SLC1A3: variants seen among roughly 807,000 people sequenced by gnomAD.
SLC1A3 encodes the protein solute carrier family 1 member 3.
SLC1A3 carries 21 observed loss-of-function variants against 48.1 expected under a neutral mutation model. That is an observed-to-expected ratio of 0.44 (90% CI 0.31 to 0.63). The LOEUF (loss-of-function observed/expected upper bound fraction) is 0.63. Among genes scored for constraint, SLC1A3 ranks in the 20% least tolerant of loss-of-function variants. The probability of loss-of-function intolerance (pLI) is 0.08; values close to 1 mark genes in which losing one functional copy is unlikely to be tolerated. For missense variants in SLC1A3, 546 were observed against 689.0 expected (o/e 0.79, Z 2.32); for synonymous variants, 239 against 251.4 (o/e 0.95, Z 0.47).
chr5:36,676,886 T>C lies in SLC1A3; in HGVS notation c.568-6T>C. On this transcript the variant is annotated splice_polypyrimidine_tract_variant and splice_region_variant and intron_variant, in intron 5 of 9. Transcript: ENST00000265113. ...TTTAATCCTCGTTGTGCTTTTTATT[T>C]TTAAGTTTAAAACCAACTATGAGAA... The C allele has an allele frequency of 1.2e-6, 2 of 1,609,534 alleles. No individual in the cohort carries two copies. Among genetic ancestry groups the C allele is most frequent in the Non-Finnish European group, 1.7e-6 (2 of 1,177,376 alleles).
At chr5:36,682,777 G>A (rs1161725822) in intron 8 of SLC1A3, among the ~76,000 whole-genome samples, 1 of 152,314 alleles carries the variant, frequency 6.6e-6, no homozygotes, top group African/African-American at 2.4e-5. Context: ...CTCCATGCAT[G>A]TCTGACTGGC....
intron 3 of SLC1A3, chr5:36,667,847 T>C (rs1281068217): frequency 6.6e-6 from 1 of 152,230 alleles, no homozygotes; most frequent in Non-Finnish European, 1.5e-5. Context: ...GTTTTCATAA[T>C]AAAGATGTCA....
chr5:36,677,463 G>T (rs1453306946), intron 6 of SLC1A3, among the ~76,000 whole-genome samples: 2 of 152,128 alleles, frequency 1.3e-5, no homozygotes, highest in African/African-American at 4.8e-5. Context: ...TTTTTATCTA[G>T]TTTTTCATTC....
intron 3 of SLC1A3, among the ~76,000 whole-genome samples, chr5:36,660,674 T>G (rs1741473808): frequency 6.6e-6 from 1 of 152,270 alleles, no homozygotes; most frequent in Admixed American, 6.5e-5. Context: ...GCAGTAACAC[T>G]GCTTTATTGT....
chr5:36,603,915 C>T (rs1738836115), upstream of SLC1A3, among the ~76,000 whole-genome samples: 2 of 152,022 alleles, frequency 1.3e-5, no homozygotes, highest in South Asian at 4.2e-4. Flanking sequence ...CATTTTGTTG[C>T]TCAAAAAAAA....
At chr5:36,622,118 G>A (rs1483934621) in intron 2 of SLC1A3, among the ~76,000 whole-genome samples, 1 of 152,204 alleles carries the variant, frequency 6.6e-6, no homozygotes, top group Non-Finnish European at 1.5e-5. Flanking sequence ...TAGATATGCA[G>A]GCTGAGGTTT....
intron 9 of SLC1A3, 105 bp downstream of exon 9, chr5:36,684,103 AGGGGCCTCTCG>A (rs1742549471): frequency 1.4e-6 from 2 of 1,417,498 alleles, no homozygotes; most frequent in East Asian, 4.6e-5. Context: ...CTCTGAGGAG[AGGGGCCTCTCG>A]GCCCATAGTT....
intron 3 of SLC1A3, among the ~76,000 whole-genome samples, chr5:36,633,120 G>A (rs986944766): frequency 6.6e-6 from 1 of 152,222 alleles, no homozygotes; most frequent in Non-Finnish European, 1.5e-5. Context: ...GAGTTGGTTT[G>A]GCTGACTTAG....
intron 3 of SLC1A3, among the ~76,000 whole-genome samples, chr5:36,647,373 TTATCTGCCA>T (rs755591682): frequency 2.0e-5 from 3 of 152,222 alleles, no homozygotes; most frequent in Non-Finnish European, 4.4e-5. Flanking sequence ...AGAGGCAAAA[TTATCTGCCA>T]TGAATTTCTC....
Position 36,686,137 on chromosome 5 carries a change from A to G in SLC1A3, c.1497A>G (p.Arg499=). The change falls in exon 10 of 10, where the codon CGA becomes CGG. Residue 499 remains arginine (R), a synonymous_variant. Coordinates refer to ENST00000265113, the MANE Select transcript of SLC1A3 (RefSeq NM_004172.5). ...LGAGIVEHLS[R]HELKNRDVEM... ...CTGGGATTGTGGAGCACTTGTCACGACATGAACTGAAGAACAGAGATGTTG... is the reference window on the plus strand; with the variant it reads ...CTGGGATTGTGGAGCACTTGTCACGGCATGAACTGAAGAACAGAGATGTTG... 1 of 1,614,202 alleles carries G rather than the reference A, an allele frequency of 6.2e-7. No homozygotes were observed. The highest frequency in any genetic ancestry group is 8.5e-7 in the Non-Finnish European group (1 of 1,180,012).
intron 3 of SLC1A3, among the ~76,000 whole-genome samples, chr5:36,641,207 T>C (rs1214790278): frequency 6.6e-6 from 1 of 152,262 alleles, no homozygotes; most frequent in Non-Finnish European, 1.5e-5. Context: ...TTTTTCATCA[T>C]GGCATAATGT....
intron 3 of SLC1A3, among the ~76,000 whole-genome samples, chr5:36,646,586 G>A (rs903299705): frequency 6.6e-6 from 1 of 152,150 alleles, no homozygotes; most frequent in Admixed American, 6.6e-5. Context: ...CTCCATGAAG[G>A]CAGACAGTGC....
intron 2 of SLC1A3, among the ~76,000 whole-genome samples, chr5:36,618,254 A>C (rs1484563451): frequency 6.6e-6 from 1 of 152,214 alleles, no homozygotes; most frequent in African/African-American, 2.4e-5. Flanking sequence ...ATCTCTTACC[A>C]TCTATCATCT....
intron 3 of SLC1A3, among the ~76,000 whole-genome samples, chr5:36,664,706 A>T (rs531105248): frequency 6.6e-6 from 1 of 152,326 alleles, no homozygotes; most frequent in African/African-American, 2.4e-5. Context: ...ATGAAGGCAC[A>T]CATTTAGACC....
intron 3 of SLC1A3, among the ~76,000 whole-genome samples, chr5:36,659,480 G>T (rs916763051): frequency 6.6e-6 from 1 of 152,150 alleles, no homozygotes; most frequent in Non-Finnish European, 1.5e-5. Flanking sequence ...AAGGCATCAC[G>T]TATGTTAATT....
chr5:36,612,600 A>T (rs949107874), intron 2 of SLC1A3: 5 of 146,150 alleles, frequency 3.4e-5, no homozygotes, highest in Non-Finnish European at 7.6e-5. Context: ...AAATAAGAAA[A>T]AAAAAATAAT....
intron 3 of SLC1A3, among the ~76,000 whole-genome samples, chr5:36,637,339 A>G (rs1740435067): frequency 6.6e-6 from 1 of 152,232 alleles, no homozygotes; most frequent in South Asian, 2.1e-4. Context: ...TGTGGCAAAA[A>G]TGGAATTGTT....
chr5:36,663,489 C>T (rs2111895468), intron 3 of SLC1A3, among the ~76,000 whole-genome samples: 1 of 150,974 alleles, frequency 6.6e-6, no homozygotes, highest in South Asian at 2.1e-4. Context: ...GATCCACCTG[C>T]CTCAGCCTCC....
intron 3 of SLC1A3, among the ~76,000 whole-genome samples, chr5:36,659,027 A>T (rs1302853196): frequency 1.3e-5 from 2 of 152,048 alleles, no homozygotes; most frequent in Non-Finnish European, 2.9e-5. Flanking sequence ...CCTTTCAAAC[A>T]TGACTTTAAG....
Sources: allele counts gnomAD v4.1 joint callset (sites outside exome capture counted in the v4.1 genomes callset), GRCh38; gene constraint gnomAD v4.1.1; transcripts MANE v1.5; gene names NCBI Gene and HGNC (gene_info 2026-07-23, HGNC 2026-07-21).